Variants in SDR42E2 observed in about 807,000 individuals in gnomAD.
SDR42E2 encodes the protein short chain dehydrogenase/reductase family 42E, member 2, also known as putative short-chain dehydrogenase/reductase family 42E member 2.
Under a neutral mutation model 10.5 loss-of-function variants are expected in SDR42E2, and 20 were observed. That is an observed-to-expected ratio of 1.90 (90% CI 1.34 to 2.77). SDR42E2 has a LOEUF of 2.77. SDR42E2 is among the 30% of genes most tolerant of loss of function. SDR42E2 has a pLI of 0.00. For missense variants in SDR42E2, 162 were observed against 104.2 expected (o/e 1.55, Z -2.42); for synonymous variants, 72 against 39.2 (o/e 1.84, Z -3.12).
chr16:22,183,020 T>A (rs2046708328), intron 10 of SDR42E2, among the ~76,000 whole-genome samples: 1 of 152,030 alleles, frequency 6.6e-6, no homozygotes, highest in South Asian at 2.1e-4. Flanking sequence ...ATCAATTTTT[T>A]TAAAAAAACA....
chr16:22,168,369 G>A lies in SDR42E2; in HGVS notation c.337-1076G>A, dbSNP rs910508412. Among the ~76,000 whole-genome samples, 5 of 152,110 alleles carry A rather than the reference G, an allele frequency of 3.3e-5. No individual in the cohort carries two copies. In the East Asian group the frequency reaches 5.8e-4, roughly 18 times the overall value. ...CAGCCTCCACCTCCCAGGCTCAAGC[G>A]ATTCTTCTGCCTCAGACTCCTGAGT... On this transcript the variant is annotated intron_variant, in intron 4 of 12. Coordinates refer to ENST00000602312, the MANE Select transcript of SDR42E2 (RefSeq NM_001394319.2).
intron 4 of SDR42E2, among the ~76,000 whole-genome samples, chr16:22,167,592 A>G (rs1374833183): frequency 6.6e-6 from 1 of 152,100 alleles, no homozygotes; most frequent in African/African-American, 2.4e-5. Flanking sequence ...TAATATCACA[A>G]CCTCTTCAGA....
chr16:22,191,715 T>G lies in SDR42E2; in HGVS notation c.*1322T>G, dbSNP rs2046776174. On this transcript the variant is annotated 3_prime_UTR_variant, in exon 13 of 13. Coordinates refer to ENST00000602312, the MANE Select transcript of SDR42E2 (RefSeq NM_001394319.2). ...AAAAAACTCTTAAAATAATTGGATGTCTCGATGAAGTACCAATAAAGCTAT... is the reference window on the plus strand; with the variant it reads ...AAAAAACTCTTAAAATAATTGGATGGCTCGATGAAGTACCAATAAAGCTAT... 1 of 152,054 alleles carries G rather than the reference T, an allele frequency of 6.6e-6. No individual in the cohort carries two copies. The highest frequency in any genetic ancestry group is 2.4e-5 in the African/African-American group (1 of 41,396). The allele number at this position is 152,054 out of a possible 1,614,324, so 9.4% of individuals were successfully genotyped here.
chr16:22,164,788 C>A (rs1253868727), intron 1 of SDR42E2, among the ~76,000 whole-genome samples: 1 of 152,106 alleles, frequency 6.6e-6, no homozygotes, highest in East Asian at 1.9e-4. Flanking sequence ...GATTCTCCTC[C>A]TCCTCCTCTT....
In SDR42E2 at chr16:22,165,512, C is replaced by G. The variant is rs184821284; in HGVS notation, c.-36-35C>G. On this transcript the variant is annotated intron_variant, in intron 1 of 12. Coordinates refer to ENST00000602312, the MANE Select transcript of SDR42E2 (RefSeq NM_001394319.2). ...ATAATTTATGTGACTTGAAACGATTCTAGAGCATTCTTTCTTCTATTTTTT... is the reference window on the plus strand; with the variant it reads ...ATAATTTATGTGACTTGAAACGATTGTAGAGCATTCTTTCTTCTATTTTTT... 11 of 400,876 alleles carry G rather than the reference C, an allele frequency of 2.7e-5. No individual in the cohort carries two copies. The Admixed American group carries it at 4.8e-4, about 18-fold the overall frequency. The allele number at this position is 400,876 out of a possible 1,614,324, so 24.8% of individuals were successfully genotyped here.
chr16:22,168,579 A>G (rs1034703593), intron 4 of SDR42E2, among the ~76,000 whole-genome samples: 1 of 151,974 alleles, frequency 6.6e-6, no homozygotes, highest in Non-Finnish European at 1.5e-5. Context: ...AATTTTTAAA[A>G]GAATAAATAT....
chr16:22,186,114 C>T (rs936460897), intron 11 of SDR42E2, among the ~76,000 whole-genome samples: 1 of 152,094 alleles, frequency 6.6e-6, no homozygotes, highest in Admixed American at 6.6e-5. Context: ...CTCTTTCTCT[C>T]CTACTCCAGA....
intron 12 of SDR42E2, among the ~76,000 whole-genome samples, chr16:22,187,531 G>A (rs750195373): frequency 3.3e-5 from 5 of 151,170 alleles, no homozygotes; most frequent in African/African-American, 4.9e-5. Context: ...TTGAGCCCAG[G>A]AGTTCAAGGC....
chr16:22,170,585 C>G (rs982466518), intron 5 of SDR42E2, among the ~76,000 whole-genome samples: 1 of 152,094 alleles, frequency 6.6e-6, no homozygotes. Context: ...AGGAGCAGAC[C>G]TGGCTCCCAG....
At chr16:22,171,995 C>A (rs2046605384) in intron 6 of SDR42E2, among the ~76,000 whole-genome samples, 2 of 152,366 alleles carry the variant, frequency 1.3e-5, no homozygotes, top group Admixed American at 6.5e-5. Context: ...GGACAGGTGT[C>A]TGGGGCTGGC....
chr16:22,186,664 TC>T (rs2046738669), intron 11 of SDR42E2, 56 bp from the exon 12 acceptor site: 1 of 401,078 alleles, frequency 2.5e-6, no homozygotes, highest in African/African-American at 2.1e-5. Context: ...CCCAAGGGCC[TC>T]CCTGGAGTTT....
chr16:22,173,847 C>T, intron 7 of SDR42E2, among the ~76,000 whole-genome samples: 1 of 143,512 alleles, frequency 7.0e-6, no homozygotes, highest in Admixed American at 7.2e-5. Flanking sequence ...CATGGCAAAA[C>T]CATGTCTGTA....
chr16:22,173,103 C>A (rs548457891), intron 7 of SDR42E2, among the ~76,000 whole-genome samples: 1 of 152,002 alleles, frequency 6.6e-6, no homozygotes, highest in Non-Finnish European at 1.5e-5. Flanking sequence ...TATATTGCCT[C>A]TTCTGGTTAT....
chr16:22,164,396 T>C (rs1431579195), intron 1 of SDR42E2, among the ~76,000 whole-genome samples: 4 of 152,076 alleles, frequency 2.6e-5, no homozygotes, highest in African/African-American at 9.7e-5. Flanking sequence ...CCATCTCTAC[T>C]AAAAATGCAA....
At chr16:22,170,418 C>T (rs1041873107) in intron 5 of SDR42E2, among the ~76,000 whole-genome samples, 3 of 152,098 alleles carry the variant, frequency 2.0e-5, no homozygotes, top group African/African-American at 7.2e-5. Context: ...GCACCAAAAT[C>T]GCAGACCCAT....
At chr16:22,169,660 G>A (rs1161925526) in intron 5 of SDR42E2, among the ~76,000 whole-genome samples, 158 bp downstream of exon 5, 1 of 152,210 alleles carries the variant, frequency 6.6e-6, no homozygotes, top group East Asian at 1.9e-4. Flanking sequence ...GCATGGGTGT[G>A]TCAGTGTGGC....
Position 22,166,963 on chromosome 16 carries a change from C to T in SDR42E2, c.300C>T (p.Phe100=), listed in dbSNP as rs1343113740. The change falls in exon 4 of 13, where the codon TTC becomes TTT. Residue 100 remains phenylalanine (F), a synonymous_variant. Coordinates refer to ENST00000602312, the MANE Select transcript of SDR42E2 (RefSeq NM_001394319.2). ...YRAFEGVDCV[F]HVASYGMSGA... is the part of the protein sequence containing the mutation. The stretch of plus-strand genomic sequence containing the variant: ...CCTTCGAAGGGGTGGACTGTGTCTT[C>T]CACGTGGCTTCCTATGGAATGTCCG... 1.4e-6 allele frequency: 1 copy of T among 702,332 alleles called. No individual in the cohort carries two copies. Among genetic ancestry groups the T allele is most frequent in the Admixed American group, 2.0e-5 (1 of 49,940 alleles). The allele number at this position is 702,332 out of a possible 1,614,324, so 43.5% of individuals were successfully genotyped here.
At position 22,190,262 on chromosome 16, in the gene SDR42E2, C is replaced by G; in HGVS notation, c.1138C>G (p.Arg380Gly). 1 of 401,372 alleles carries G rather than the reference C, an allele frequency of 2.5e-6. No homozygotes were observed. Among genetic ancestry groups the G allele is most frequent in the Non-Finnish European group, 4.4e-6 (1 of 226,358 alleles). 24.9% of individuals were successfully genotyped at this position (401,372 alleles called of 1,614,324 possible). A position where few individuals can be genotyped will look rare whatever the true frequency, so the allele number is the denominator to read the frequency against. The change falls in exon 13 of 13, where the codon CGG becomes GGG. Residue 380 changes from arginine (R) to glycine (G), a missense_variant. Coordinates refer to ENST00000602312, the MANE Select transcript of SDR42E2 (RefSeq NM_001394319.2). ...GCTATACGTGCAGTCCACGACCCGG[C>G]GGCCCCGCGGCTCCACGGCGCGGAC... Reference protein sequence around the residue: ...VELYVQSTTRRPRGSTARTLL... With the variant: ...VELYVQSTTRGPRGSTARTLL...
At chr16:22,169,056 A>G (rs752324432) in intron 4 of SDR42E2, among the ~76,000 whole-genome samples, 2 of 152,048 alleles carry the variant, frequency 1.3e-5, no homozygotes, top group African/African-American at 2.4e-5. Context: ...CCCAGCCCAT[A>G]TTACCATGTT....
Sources: allele counts gnomAD v4.1 joint callset (sites outside exome capture counted in the v4.1 genomes callset), GRCh38; gene constraint gnomAD v4.1.1; transcripts MANE v1.5; gene names NCBI Gene and HGNC (gene_info 2026-07-23, HGNC 2026-07-21).